Variants in BCAS3 observed in about 807,000 individuals in gnomAD.
The protein encoded by BCAS3 is BCAS3 microtubule associated cell migration factor.
BCAS3 carries 53 observed loss-of-function variants against 116.1 expected under a neutral mutation model. The ratio of observed to expected loss-of-function variants is 0.46; its 90% CI spans 0.37 to 0.57. The LOEUF is 0.57. Among genes scored for constraint, BCAS3 ranks in the 20% least tolerant of loss-of-function variants. The probability of loss-of-function intolerance (pLI) is 0.00; values close to 1 mark genes in which losing one functional copy is unlikely to be tolerated. For synonymous variants in BCAS3, 391 were observed against 408.2 expected (o/e 0.96, Z 0.51); for missense variants, 917 against 1,165.4 (o/e 0.79, Z 3.10).
intron 5 of BCAS3, among the ~76,000 whole-genome samples, chr17:60,734,310 A>C (rs1461985457): frequency 6.6e-6 from 1 of 152,142 alleles, no homozygotes; most frequent in Non-Finnish European, 1.5e-5. Context: ...TTAGATTTTT[A>C]GTAGAGATGG....
At chr17:60,848,385 T>C (rs1352566256) in intron 7 of BCAS3, among the ~76,000 whole-genome samples, 1 of 152,206 alleles carries the variant, frequency 6.6e-6, no homozygotes, top group Non-Finnish European at 1.5e-5. Context: ...ACTGTTTTCT[T>C]CATTTGTCTT....
In BCAS3 at chr17:61,302,266, G is replaced by A. The variant is rs913051875; in HGVS notation, c.2426-66061G>A. ...TTAATGTCACATCAGAATGTACCAC[G>A]GAATCTGACTTTGCCATTTGTGTGG... On this transcript the variant is annotated intron_variant, in intron 22 of 23. Coordinates refer to ENST00000407086, the MANE Select transcript of BCAS3 (RefSeq NM_017679.5). The surrounding 1 kb of genome is among the most constrained non-coding windows in gnomAD (Gnocchi z 4.4). Among the ~76,000 whole-genome samples the A allele has an allele frequency of 1.3e-5, 2 of 152,058 alleles. No individual in the cohort carries two copies. Among genetic ancestry groups the A allele is most frequent in the Admixed American group, 6.5e-5 (1 of 15,268 alleles).
rs548791359 is a variant in BCAS3, at chr17:61,307,128, G to A, written c.2426-61199G>A. On this transcript the variant is annotated intron_variant, in intron 22 of 23. Transcript: ENST00000407086. This position sits in a 1 kb window ranked among gnomAD's most constrained non-coding sequence, Gnocchi z 4.7. ...TTCTTTTACTGCTTCCCCACAAACC[G>A]TAGAATGAGAAAAGGATGATTGAAG... Among the ~76,000 whole-genome samples the A allele has an allele frequency of 1.4e-4, 21 of 152,294 alleles. No homozygotes were observed. Among genetic ancestry groups the A allele is most frequent in the African/African-American group, 3.6e-4 (15 of 41,558 alleles).
chr17:60,733,558 T>G (rs1233006433), intron 5 of BCAS3, among the ~76,000 whole-genome samples: 3 of 152,140 alleles, frequency 2.0e-5, no homozygotes, highest in African/African-American at 7.2e-5. Context: ...ACTGGATGTT[T>G]GGTTGGGTGT....
At chr17:60,679,879 C>G (rs923029928) in intron 2 of BCAS3, among the ~76,000 whole-genome samples, 2 of 152,106 alleles carry the variant, frequency 1.3e-5, no homozygotes, top group African/African-American at 2.4e-5. Context: ...TGGCTCATGC[C>G]TGTAATCCCA....
Position 60,825,701 on chromosome 17 carries a change from C to G in BCAS3, c.476+17625C>G, listed in dbSNP as rs78488851. ...CAAGGTTGCACCTTGAACTCCATGT[C>G]CTCACATGGTGGAAGGGCAAAAAAG... On this transcript the variant is annotated intron_variant, in intron 7 of 23. Coordinates refer to ENST00000407086, the MANE Select transcript of BCAS3 (RefSeq NM_017679.5). 4.1e-3 allele frequency among the ~76,000 whole-genome samples: 620 copies of G among 151,596 alleles called. 4 individuals are homozygous for G. Among genetic ancestry groups the G allele is most frequent in the African/African-American group, 0.014 (596 of 41,334 alleles).
intron 14 of BCAS3, among the ~76,000 whole-genome samples, chr17:60,948,687 A>C (rs77483407): frequency 0.032 from 4,876 of 152,258 alleles, 274 homozygotes; most frequent in African/African-American, 0.11. Flanking sequence ...AATTTAGAGA[A>C]CTTAAACGCT....
rs1363350216 is a variant in BCAS3, at chr17:61,316,034, G to A, written c.2426-52293G>A. On this transcript the variant is annotated intron_variant, in intron 22 of 23. Coordinates refer to ENST00000407086, the MANE Select transcript of BCAS3 (RefSeq NM_017679.5). The surrounding 1 kb of genome is among the most constrained non-coding windows in gnomAD (Gnocchi z 5.8). ...CTATAGCAGGTGCTGGCCAGGCGTG[G>A]TGGCTCACACCTTTGATCCCAGCAT... Among the ~76,000 whole-genome samples, 1 of 152,176 alleles carries A rather than the reference G, an allele frequency of 6.6e-6. No individual in the cohort carries two copies. The highest frequency in any genetic ancestry group is 2.4e-5 in the African/African-American group (1 of 41,438).
rs140925084 is a variant in BCAS3 at position 61,233,879 on chromosome 17, T to C, written c.2426-134448T>C. ...GCTTCAGTTCTGGCCCCTGAGGCTC[T>C]TTCCTGTCTAGTTGAGCTTTCTTTA... On this transcript the variant is annotated intron_variant, in intron 22 of 23. Transcript: ENST00000407086. The surrounding 1 kb of genome is among the most constrained non-coding windows in gnomAD (Gnocchi z 4.3). 6.6e-6 allele frequency among the ~76,000 whole-genome samples: 1 copy of C among 152,296 alleles called. No homozygotes were observed. The highest frequency in any genetic ancestry group is 1.9e-4 in the East Asian group (1 of 5,184).
intron 12 of BCAS3, among the ~76,000 whole-genome samples, chr17:60,916,322 A>G (rs147384076): frequency 6.6e-6 from 1 of 152,364 alleles, no homozygotes; most frequent in African/African-American, 2.4e-5. Context: ...GTGGTACAAT[A>G]TCTTTAAAGT....
In BCAS3 at chr17:61,122,533, C is replaced by A. The variant is rs1249169663; in HGVS notation, c.2425+37969C>A. The stretch of plus-strand genomic sequence containing the variant: ...GAGTACATGCATTTTCACACATCTG[C>A]TAATGCAAAAGCCCCGTGTGAGCAT... On this transcript the variant is annotated intron_variant, in intron 22 of 23. Coordinates refer to ENST00000407086, the MANE Select transcript of BCAS3 (RefSeq NM_017679.5). This position sits in a 1 kb window ranked among gnomAD's most constrained non-coding sequence, Gnocchi z 4.6. Among the ~76,000 whole-genome samples, 4 of 152,140 alleles carry A rather than the reference C, an allele frequency of 2.6e-5. No homozygotes were observed. The highest frequency in any genetic ancestry group is 9.7e-5 in the African/African-American group (4 of 41,418).
Position 61,377,683 on chromosome 17 carries a change from G to A in BCAS3, c.2593+9189G>A. On this transcript the variant is annotated intron_variant, in intron 23 of 23. Coordinates refer to ENST00000407086, the MANE Select transcript of BCAS3 (RefSeq NM_017679.5). The surrounding 1 kb of genome is among the most constrained non-coding windows in gnomAD (Gnocchi z 4.6). ...TCTGATGTCCTGGCTGCTGCAGGGA[G>A]CACTCGGTCTCTCTCTTTTACTCCT... The A allele has an allele frequency of 6.6e-6, 1 of 152,332 alleles. No homozygotes were observed. The highest frequency in any genetic ancestry group is 1.5e-5 in the Non-Finnish European group (1 of 68,092). The allele number at this position is 152,332 out of a possible 1,614,324, so 9.4% of individuals were successfully genotyped here.
At chr17:61,072,521 T>A (rs1417556688) in intron 19 of BCAS3, among the ~76,000 whole-genome samples, 3 of 152,132 alleles carry the variant, frequency 2.0e-5, no homozygotes. Context: ...ACTTGTTCTG[T>A]GACACGTACT....
At chr17:60,761,669 T>C (rs987042015) in intron 6 of BCAS3, among the ~76,000 whole-genome samples, 10 of 152,176 alleles carry the variant, frequency 6.6e-5, no homozygotes, top group African/African-American at 2.4e-4. Flanking sequence ...TAAACATACG[T>C]GTGCATGTGT....
At chr17:61,351,395 G>A (rs1056192707) in intron 22 of BCAS3, among the ~76,000 whole-genome samples, 1 of 152,158 alleles carries the variant, frequency 6.6e-6, no homozygotes, top group African/African-American at 2.4e-5. Context: ...CCAACCGAAG[G>A]CCAGCTGGCT....
At position 61,285,150 on chromosome 17, in the gene BCAS3, C is replaced by G. The variant is rs2051630547; in HGVS notation, c.2426-83177C>G. ...TGAAACTGCTTCCACCTGGGCAGAC[C>G]AGGGACCACAGGAACCAGAGAAATG... On this transcript the variant is annotated intron_variant, in intron 22 of 23. Transcript: ENST00000407086. This position sits in a 1 kb window ranked among gnomAD's most constrained non-coding sequence, Gnocchi z 5.4. Among the ~76,000 whole-genome samples, 1 of 152,012 alleles carries G rather than the reference C, an allele frequency of 6.6e-6. No individual in the cohort carries two copies. Among genetic ancestry groups the G allele is most frequent in the Non-Finnish European group, 1.5e-5 (1 of 68,016 alleles).
chr17:60,846,208 G>A (rs574453497), intron 7 of BCAS3, among the ~76,000 whole-genome samples: 1 of 152,126 alleles, frequency 6.6e-6, no homozygotes, highest in Non-Finnish European at 1.5e-5. Flanking sequence ...GGGATTACAG[G>A]CATGAGCCAC....
chr17:60,751,701 C>T (rs2042482259), intron 6 of BCAS3, among the ~76,000 whole-genome samples: 1 of 152,066 alleles, frequency 6.6e-6, no homozygotes, highest in Non-Finnish European at 1.5e-5. Flanking sequence ...TGCCACCACA[C>T]CCGACTAGTT....
chr17:61,159,737 G>T (rs566079903), intron 22 of BCAS3, among the ~76,000 whole-genome samples: 1 of 152,106 alleles, frequency 6.6e-6, no homozygotes, highest in Non-Finnish European at 1.5e-5. Context: ...TTTTGTTTTT[G>T]CCTAAAAGAT....
Sources: gnomAD v4.1 joint callset for allele counts (sites outside exome capture counted in the v4.1 genomes callset) on GRCh38, gnomAD v4.1.1 for gene constraint, Gnocchi (gnomAD v3.1) non-coding constraint, MANE v1.5 for transcripts, NCBI Gene and HGNC (gene_info 2026-07-23, HGNC 2026-07-21) for gene names.